Variants in CNTN3 observed in about 807,000 individuals in gnomAD.
CNTN3 encodes the protein contactin 3.
In CNTN3, 60 loss-of-function variants were observed where a neutral mutation model predicts 119.1. The ratio of observed to expected loss-of-function variants is 0.50; its 90% CI spans 0.41 to 0.62. CNTN3 has a LOEUF of 0.62. Ranked by LOEUF, CNTN3 falls within the 20% of genes least tolerant of loss-of-function variation. CNTN3 has a pLI of 0.00. For synonymous variants in CNTN3, 450 were observed against 438.7 expected, an observed-to-expected ratio of 1.03 and a Z score of -0.32; for missense variants, 1,101 against 1,242.4, an observed-to-expected ratio of 0.89 and a Z score of 1.71.
intron 8 of CNTN3, 121 bp from the exon 9 acceptor site, chr3:74,365,823 G>A: frequency 2.7e-6 from 3 of 1,117,510 alleles, no homozygotes; most frequent in Non-Finnish European, 3.8e-6. Flanking sequence ...GTAACAGATT[G>A]AAGTGAGAAC....
chr3:74,498,936 CA>C lies in CNTN3; in HGVS notation c.182+722del, dbSNP rs1703112480. On this transcript the variant is annotated intron_variant, in intron 3 of 22. Transcript: ENST00000263665. The stretch of plus-strand genomic sequence containing the variant: ...TCTTCATGAAAGTGGGTCTCCCAAG[CA>C]CTCCTAAGAGTAAAAATGATTAATC... 3.3e-5 allele frequency among the ~76,000 whole-genome samples: 5 copies of C among 151,932 alleles called. No individual in the cohort carries two copies. The South Asian group carries it at 1.0e-3, about 32-fold the overall frequency.
At chr3:74,523,830 T>G (rs772291992) in intron 1 of CNTN3, among the ~76,000 whole-genome samples, 11 of 151,936 alleles carry the variant, frequency 7.2e-5, no homozygotes, top group Admixed American at 3.9e-4. Context: ...CTCTTATAAA[T>G]AAGGAGTAAA....
At chr3:74,439,758 C>T (rs1575726718) in intron 4 of CNTN3, among the ~76,000 whole-genome samples, 1 of 152,154 alleles carries the variant, frequency 6.6e-6, no homozygotes, top group African/African-American at 2.4e-5. Context: ...GAAACTTCAC[C>T]TACAAAAGGT....
intron 2 of CNTN3, among the ~76,000 whole-genome samples, chr3:74,506,356 A>AT (rs1247899724): frequency 3.3e-5 from 5 of 152,126 alleles, no homozygotes; most frequent in Admixed American, 3.3e-4. Flanking sequence ...TCCAATGGCT[A>AT]TATTTTTGCT....
intron 1 of CNTN3, among the ~76,000 whole-genome samples, chr3:74,561,862 G>A (rs1704159437): frequency 6.6e-6 from 1 of 152,064 alleles, no homozygotes; most frequent in Non-Finnish European, 1.5e-5. Flanking sequence ...TTTTAAAGAA[G>A]GAATACCTCT....
intron 1 of CNTN3, among the ~76,000 whole-genome samples, chr3:74,523,256 A>C (rs910654578): frequency 2.0e-5 from 3 of 151,896 alleles, no homozygotes; most frequent in African/African-American, 4.8e-5. Flanking sequence ...TGGTCCAAAA[A>C]TCAGGAGAAA....
intron 13 of CNTN3, among the ~76,000 whole-genome samples, chr3:74,325,353 A>G (rs925754618): frequency 2.0e-5 from 3 of 152,118 alleles, no homozygotes; most frequent in African/African-American, 7.2e-5. Context: ...TCAACTCCCA[A>G]TTTTCTTGAT....
intron 1 of CNTN3, among the ~76,000 whole-genome samples, chr3:74,550,858 A>G (rs1703979879): frequency 6.6e-6 from 1 of 152,200 alleles, no homozygotes. Flanking sequence ...AGCTTTTATC[A>G]TCAGCCTCCA....
intron 1 of CNTN3, among the ~76,000 whole-genome samples, chr3:74,533,996 T>G (rs1156483545): frequency 2.0e-5 from 3 of 152,026 alleles, no homozygotes; most frequent in Non-Finnish European, 4.4e-5. Flanking sequence ...ATGACAATCA[T>G]GTCAAGGTGA....
At chr3:74,372,720 T>C (rs990781344) in intron 5 of CNTN3, among the ~76,000 whole-genome samples, 4 of 152,080 alleles carry the variant, frequency 2.6e-5, no homozygotes, top group Non-Finnish European at 4.4e-5. Context: ...TAAATCAATA[T>C]GCAAATAACA....
At chr3:74,395,894 G>A (rs1262396362) in intron 5 of CNTN3, among the ~76,000 whole-genome samples, 1 of 151,954 alleles carries the variant, frequency 6.6e-6, no homozygotes, top group Non-Finnish European at 1.5e-5. Flanking sequence ...TATTTAAAAC[G>A]TTTTCATTAT....
At chr3:74,391,749 C>T (rs985366892) in intron 5 of CNTN3, among the ~76,000 whole-genome samples, 2 of 151,868 alleles carry the variant, frequency 1.3e-5, no homozygotes, top group African/African-American at 2.4e-5. Flanking sequence ...CCTCCACCTC[C>T]GGGGCTCAAG....
At chr3:74,405,261 A>C (rs1369110934) in intron 5 of CNTN3, among the ~76,000 whole-genome samples, 1 of 151,958 alleles carries the variant, frequency 6.6e-6, no homozygotes, top group Admixed American at 6.6e-5. Context: ...TCGATAATCT[A>C]CTCTTTCTCT....
chr3:74,496,103 A>T (rs892065509), intron 3 of CNTN3, among the ~76,000 whole-genome samples: 29 of 152,132 alleles, frequency 1.9e-4, no homozygotes, highest in African/African-American at 6.0e-4. Flanking sequence ...AACTTAATTG[A>T]TTTAAATTTC....
Position 74,369,997 on chromosome 3 carries a change from A to C in CNTN3, c.659-6T>G, listed in dbSNP as rs1427369720. 1.4e-6 allele frequency: 2 copies of C among 1,436,122 alleles called. No individual in the cohort carries two copies. The highest frequency in any genetic ancestry group is 2.0e-6 in the Non-Finnish European group (2 of 1,024,634). 89.0% of individuals were successfully genotyped at this position (1,436,122 alleles called of 1,614,324 possible). A position where few individuals can be genotyped will look rare whatever the true frequency, so the allele number is the denominator to read the frequency against. On this transcript the variant is annotated splice_polypyrimidine_tract_variant and splice_region_variant and intron_variant, in intron 6 of 22. Transcript: ENST00000263665. ...TTCATATTCACCCATCACACCTATA[A>C]ATCCACAATATAAAGTTAATCGTTT...
At position 74,297,937 on chromosome 3, in the gene CNTN3, TAC is replaced by T. The variant is rs1702374851; in HGVS notation, c.2401+18_2401+19del. The T allele has an allele frequency of 7.6e-6, 12 of 1,571,008 alleles. No homozygotes were observed. The East Asian group carries it at 2.7e-4, about 35-fold the overall frequency. ...TAATTATTATTAGGCGGAACTGATATACAGTCATGTTTTCCATACCTTCTTCT... is the reference window on the plus strand; with the variant it reads ...TAATTATTATTAGGCGGAACTGATATAGTCATGTTTTCCATACCTTCTTCT... On this transcript the variant is annotated intron_variant, in intron 18 of 22. Coordinates refer to ENST00000263665, the MANE Select transcript of CNTN3 (RefSeq NM_020872.3).
chr3:74,587,998 G>T (rs1200121807), intron 1 of CNTN3, among the ~76,000 whole-genome samples: 1 of 152,058 alleles, frequency 6.6e-6, no homozygotes, highest in Non-Finnish European at 1.5e-5. Flanking sequence ...AGAGTTTTTA[G>T]CATGAAGGTT....
intron 18 of CNTN3, among the ~76,000 whole-genome samples, chr3:74,296,540 G>A (rs759715460): frequency 4.6e-5 from 7 of 152,176 alleles, no homozygotes; most frequent in African/African-American, 1.2e-4. Flanking sequence ...GAATAGGGGC[G>A]GGGAGCCGAA....
intron 5 of CNTN3, among the ~76,000 whole-genome samples, chr3:74,386,094 G>A (rs1338623221): frequency 6.6e-6 from 1 of 152,108 alleles, no homozygotes; most frequent in Non-Finnish European, 1.5e-5. Context: ...TAGTTGGAAG[G>A]ATCTGAATCC....
Sources: allele counts gnomAD v4.1 joint callset (sites outside exome capture counted in the v4.1 genomes callset), GRCh38; gene constraint gnomAD v4.1.1; transcripts MANE v1.5; gene names NCBI Gene and HGNC (gene_info 2026-07-23, HGNC 2026-07-21).